Variants in ESYT2 observed in about 807,000 individuals in gnomAD.
ESYT2 encodes the protein extended synaptotagmin 2, also known as extended synaptotagmin-2.
Under a neutral mutation model 107.2 loss-of-function variants are expected in ESYT2, and 54 were observed. The observed-to-expected ratio is 0.50, with a 90% CI of 0.40 to 0.63. The LOEUF (loss-of-function observed/expected upper bound fraction) is 0.63. Ranked by LOEUF, ESYT2 falls within the 30% of genes least tolerant of loss-of-function variation. The probability of loss-of-function intolerance (pLI) is 0.00; values close to 1 mark genes in which losing one functional copy is unlikely to be tolerated. For missense variants in ESYT2, 1,020 were observed against 1,094.5 expected (o/e 0.93, Z 0.96); for synonymous variants, 491 against 434.1 (o/e 1.13, Z -1.63).
At chr7:158,767,274 T>A (rs1838194597) in intron 8 of ESYT2, among the ~76,000 whole-genome samples, 1 of 152,214 alleles carries the variant, frequency 6.6e-6, no homozygotes, top group African/African-American at 2.4e-5. Context: ...GAAGCTCTCA[T>A]CATGACTGCC....
intron 19 of ESYT2, among the ~76,000 whole-genome samples, 155 bp from the exon 20 acceptor site, chr7:158,737,334 C>G (rs768518057): frequency 6.6e-6 from 1 of 152,144 alleles, no homozygotes; most frequent in Non-Finnish European, 1.5e-5. Context: ...TTGCCTCCCC[C>G]GACGGCTGCC....
chr7:158,809,474 C>CAGAAAAAAA (rs1839930306), intron 1 of ESYT2, among the ~76,000 whole-genome samples: 5 of 49,742 alleles, frequency 1.0e-4, no homozygotes, highest in Non-Finnish European at 1.7e-4. Context: ...GAATCCATCT[C>CAGAAAAAAA]AAAAAAAAAA....
intron 1 of ESYT2, among the ~76,000 whole-genome samples, chr7:158,807,028 T>C (rs1040958574): frequency 2.6e-5 from 4 of 151,670 alleles, no homozygotes; most frequent in Non-Finnish European, 5.9e-5. Context: ...TTCTAATATA[T>C]ATATATGAGA....
chr7:158,821,900 T>A (rs535317855), intron 1 of ESYT2, among the ~76,000 whole-genome samples: 8 of 152,318 alleles, frequency 5.3e-5, no homozygotes, highest in African/African-American at 1.9e-4. Flanking sequence ...TTCCCTAGCA[T>A]GTCCGTAAAT....
At chr7:158,807,770 A>T (rs1210720324) in intron 1 of ESYT2, among the ~76,000 whole-genome samples, 1 of 152,252 alleles carries the variant, frequency 6.6e-6, no homozygotes, top group Non-Finnish European at 1.5e-5. Flanking sequence ...GCTGTGTTCC[A>T]AAAGAACTTT....
chr7:158,795,145 G>A (rs1839421311), intron 3 of ESYT2, among the ~76,000 whole-genome samples: 1 of 152,196 alleles, frequency 6.6e-6, no homozygotes, highest in South Asian at 2.1e-4. Flanking sequence ...CAGCTGCCGG[G>A]AGTCTTGGTC....
chr7:158,827,678 C>A (rs1210258249), intron 1 of ESYT2: 2 of 152,226 alleles, frequency 1.3e-5, no homozygotes, highest in Non-Finnish European at 2.9e-5. Context: ...TTCTTCTTGT[C>A]TTGGGCACGC....
chr7:158,763,443 T>TGA (rs1563635278), intron 9 of ESYT2, among the ~76,000 whole-genome samples: 5 of 151,088 alleles, frequency 3.3e-5, no homozygotes, highest in African/African-American at 4.9e-5. Context: ...TACAGGCATG[T>TGA]GCCACCATGC....
At chr7:158,763,585 G>A (rs1000769712) in intron 9 of ESYT2, among the ~76,000 whole-genome samples, 3 of 152,090 alleles carry the variant, frequency 2.0e-5, no homozygotes, top group East Asian at 1.9e-4. Context: ...GTGAGCCACC[G>A]CACCCAGCCA....
chr7:158,741,038 T>C (rs1837179185), intron 18 of ESYT2, among the ~76,000 whole-genome samples: 3 of 152,108 alleles, frequency 2.0e-5, no homozygotes, highest in African/African-American at 7.2e-5. Flanking sequence ...CTATGAGTCA[T>C]GGGGCTTAAA....
At chr7:158,828,935 G>C (rs1271786717) in intron 1 of ESYT2, among the ~76,000 whole-genome samples, 154 bp downstream of exon 1, 1 of 147,124 alleles carries the variant, frequency 6.8e-6, no homozygotes, top group Non-Finnish European at 1.5e-5. Context: ...TGCCTGGACC[G>C]GGGTGGGTGG....
chr7:158,751,199 G>A (rs373844573), intron 14 of ESYT2, among the ~76,000 whole-genome samples: 64 of 152,068 alleles, frequency 4.2e-4, no homozygotes, highest in East Asian at 1.3e-3. Context: ...AATTTATTTC[G>A]CTTCCATTTT....
At chr7:158,773,256 A>G (rs1329811345) in intron 7 of ESYT2, 85 bp downstream of exon 7, 1 of 1,466,206 alleles carries the variant, frequency 6.8e-7, no homozygotes, top group African/African-American at 1.4e-5. Flanking sequence ...GCAGGTCTTA[A>G]CCATTCTCAC....
chr7:158,736,337 T>C (rs1836949006), intron 20 of ESYT2, among the ~76,000 whole-genome samples: 1 of 152,200 alleles, frequency 6.6e-6, no homozygotes, highest in Admixed American at 6.5e-5. Context: ...TAAACTGAAT[T>C]AGCAGATAGC....
chr7:158,821,440 G>C (rs1020676535), intron 1 of ESYT2, among the ~76,000 whole-genome samples: 7 of 152,230 alleles, frequency 4.6e-5, no homozygotes, highest in African/African-American at 1.7e-4. Flanking sequence ...AGCAAGAATA[G>C]AAGTATACTG....
chr7:158,749,661 G>A lies in ESYT2; in HGVS notation c.1545C>T (p.Ala515=). 6.2e-7 allele frequency: 1 copy of A among 1,613,976 alleles called. No individual in the cohort carries two copies. Among genetic ancestry groups the A allele is most frequent in the Non-Finnish European group, 8.5e-7 (1 of 1,179,980 alleles). ...GCGAGCACCTTACCTTGCTCTCCTGGGCCTTGTGCCCAACTGACATCTGGA... is the reference window on the plus strand; with the variant it reads ...GCGAGCACCTTACCTTGCTCTCCTGAGCCTTGTGCCCAACTGACATCTGGA... The part of the protein sequence containing the change: ...PVVQMSVGHK[A]QESKIRYKTN... Residue 515 remains alanine (A), a synonymous_variant, in exon 15 of 23, where the codon GCC becomes GCT. Transcript: ENST00000275418.
chr7:158,773,414 C>A lies in ESYT2; in HGVS notation c.748-18G>T. On this transcript the variant is annotated intron_variant, in intron 6 of 22. Coordinates refer to ENST00000275418, the MANE Select transcript of ESYT2 (RefSeq NM_001367773.1). Reference sequence around the variant, plus strand: ...TCTAAAAGCTGTTTTAAAACAAGGGCAAAATATTAAGTTCCAAACAATTTC... The same window carrying A: ...TCTAAAAGCTGTTTTAAAACAAGGGAAAAATATTAAGTTCCAAACAATTTC... 1 of 1,613,398 alleles carries A rather than the reference C, an allele frequency of 6.2e-7. No homozygotes were observed.
intron 15 of ESYT2, among the ~76,000 whole-genome samples, chr7:158,748,813 G>A (rs372021577): frequency 8.6e-5 from 13 of 151,706 alleles, no homozygotes; most frequent in South Asian, 2.1e-4. Flanking sequence ...TCCACCTTCC[G>A]GGTTCAAGCA....
intron 1 of ESYT2, 81 bp from the exon 2 acceptor site, chr7:158,799,153 C>A: frequency 8.1e-7 from 1 of 1,227,538 alleles, no homozygotes; most frequent in Admixed American, 1.7e-5. Flanking sequence ...TTCATATTCT[C>A]ATCATACGTC....
Sources: gnomAD v4.1 joint callset for allele counts (sites outside exome capture counted in the v4.1 genomes callset) on GRCh38, gnomAD v4.1.1 for gene constraint, MANE v1.5 for transcripts, NCBI Gene and HGNC (gene_info 2026-07-23, HGNC 2026-07-21) for gene names.